The following EEF1A2 variants were observed in gnomAD, a reference collection of about 807,000 sequenced individuals.
EEF1A2 encodes eukaryotic translation elongation factor 1 alpha 2, also known as elongation factor 1-alpha 2.
A neutral mutation model predicts 39.3 loss-of-function variants in EEF1A2; 5 were observed. That is an observed-to-expected ratio of 0.13 (90% confidence interval 0.07 to 0.27). The LOEUF is 0.27. Ranked by LOEUF, EEF1A2 falls within the 10% of genes least tolerant of loss-of-function variation. The pLI is 1.00. For missense variants in EEF1A2, 218 were observed against 681.4 expected (o/e 0.32, Z 7.57); for synonymous variants, 287 against 293.7 (o/e 0.98, Z 0.23).
chr20:63,489,731 C>T (rs1236526319), intron 6 of EEF1A2, among the ~76,000 whole-genome samples: 1 of 151,986 alleles, frequency 6.6e-6, no homozygotes, highest in Non-Finnish European at 1.5e-5. Flanking sequence ...TGCAGTGAGC[C>T]GAGATCGCAC....
chr20:63,496,072 C>T (rs962625018), intron 2 of EEF1A2, 37 bp from the exon 3 acceptor site: 14 of 1,607,644 alleles, frequency 8.7e-6, no homozygotes, highest in African/African-American at 6.7e-5. Context: ...GGGCGGGACC[C>T]GGGACCCAGG....
At chr20:63,495,366 T>TCTG (rs2082412113) in intron 3 of EEF1A2, among the ~76,000 whole-genome samples, 1 of 152,262 alleles carries the variant, frequency 6.6e-6, no homozygotes, top group African/African-American at 2.4e-5. Context: ...ACTCAGCCTA[T>TCTG]CTGCTCCTGT....
Position 63,497,871 on chromosome 20 carries a change from G to A in EEF1A2, c.-71-37C>T. 6.9e-7 allele frequency: 1 copy of A among 1,441,274 alleles called. No homozygotes were observed. The highest frequency in any genetic ancestry group is 9.4e-7 in the Non-Finnish European group (1 of 1,065,188). The allele number at this position is 1,441,274 out of a possible 1,614,324, so 89.3% of individuals were successfully genotyped here. On this transcript the variant is annotated intron_variant, in intron 1 of 7. Coordinates refer to ENST00000217182, the MANE Select transcript of EEF1A2 (RefSeq NM_001958.5). This position sits in a 1 kb window ranked among gnomAD's most constrained non-coding sequence, Gnocchi z 7.3. ...GTGGTGGTGGGGAGACCGGTGATGG[G>A]GAGCCCCAGGGGGAGACACCAGCAG...
Position 63,497,456 on chromosome 20 carries a change from C to T in EEF1A2, c.144+164G>A. 2.6e-6 allele frequency: 3 copies of T among 1,141,766 alleles called. No individual in the cohort carries two copies. Among genetic ancestry groups the T allele is most frequent in the East Asian group, 2.6e-5 (1 of 38,276 alleles). 70.7% of individuals were successfully genotyped at this position (1,141,766 alleles called of 1,614,324 possible). A position where few individuals can be genotyped will look rare whatever the true frequency, so the allele number is the denominator to read the frequency against. Reference sequence around the variant, plus strand: ...GCTCCCCCTAAGAGAGAGGCTGCCCCACCAGACCCTCTGAGGCCTGAGTGC... The same window carrying T: ...GCTCCCCCTAAGAGAGAGGCTGCCCTACCAGACCCTCTGAGGCCTGAGTGC... On this transcript the variant is annotated intron_variant, in intron 2 of 7. Coordinates refer to ENST00000217182, the MANE Select transcript of EEF1A2 (RefSeq NM_001958.5). The surrounding 1 kb of genome is among the most constrained non-coding windows in gnomAD (Gnocchi z 7.3).
Position 63,497,818 on chromosome 20 carries a change from G to C in EEF1A2, c.-55C>G. 2 of 1,583,248 alleles carry C rather than the reference G, an allele frequency of 1.3e-6. No individual in the cohort carries two copies. Among genetic ancestry groups the C allele is most frequent in the East Asian group, 2.2e-5 (1 of 44,500 alleles). On this transcript the variant is annotated 5_prime_UTR_variant, in exon 2 of 8. Transcript: ENST00000217182. The surrounding 1 kb of genome is among the most constrained non-coding windows in gnomAD (Gnocchi z 7.3). ...CCCGGGGTGCTCTGGCTCAGGGCGA[G>C]GGGGGCTGCAGTGATTCTGTGGGGC...
chr20:63,492,804 C>T (rs1371624586), intron 5 of EEF1A2, among the ~76,000 whole-genome samples: 16 of 16,376 alleles, frequency 9.8e-4, no homozygotes, highest in African/African-American at 3.8e-3. Context: ...AGGGATGGTT[C>T]GATAGAGAGA....
intron 7 of EEF1A2, 69 bp downstream of exon 7, chr20:63,488,849 A>T: frequency 6.5e-7 from 1 of 1,531,424 alleles, no homozygotes; most frequent in Non-Finnish European, 8.9e-7. Context: ...CCATCCCCGC[A>T]GTCCTCTGCC....
Position 63,497,765 on chromosome 20 carries a change from T to C in EEF1A2, c.-2A>G. ...GATGTGGGTCTTCTCCTTGCCCATT[T>C]TGCTGGGAGTGTGAGGGGCTGGCGG... On this transcript the variant is annotated 5_prime_UTR_variant, in exon 2 of 8. Transcript: ENST00000217182. The surrounding 1 kb of genome is among the most constrained non-coding windows in gnomAD (Gnocchi z 7.3). The C allele has an allele frequency of 6.2e-7, 1 of 1,611,558 alleles. No homozygotes were observed. The highest frequency in any genetic ancestry group is 2.2e-5 in the East Asian group (1 of 44,834).
chr20:63,497,547 A>G lies in EEF1A2; in HGVS notation c.144+73T>C. ...GAGCCCCATGCCCTGGGGCTGGGAG[A>G]TGCCAAGCCTGGCCACCACGGGAGT... On this transcript the variant is annotated intron_variant, in intron 2 of 7. Transcript: ENST00000217182. This position sits in a 1 kb window ranked among gnomAD's most constrained non-coding sequence, Gnocchi z 7.3. 1 of 1,551,700 alleles carries G rather than the reference A, an allele frequency of 6.4e-7. No homozygotes were observed. Among genetic ancestry groups the G allele is most frequent in the South Asian group, 1.2e-5 (1 of 80,758 alleles).
intron 5 of EEF1A2, among the ~76,000 whole-genome samples, chr20:63,491,628 G>A (rs1488494361): frequency 6.6e-6 from 1 of 152,202 alleles, no homozygotes; most frequent in Non-Finnish European, 1.5e-5. Context: ...TGGGATGGAT[G>A]GATGGATGGA....
intron 5 of EEF1A2, among the ~76,000 whole-genome samples, chr20:63,492,392 A>AGATGGATGGATG (rs1198441019): frequency 8.0e-6 from 1 of 125,380 alleles, no homozygotes; most frequent in African/African-American, 3.3e-5. Context: ...ATGGGTGGGT[A>AGATGGATGGATG]GATGGATGGA....
At chr20:63,493,526 C>A (rs2082401662) in intron 4 of EEF1A2, among the ~76,000 whole-genome samples, 2 of 152,166 alleles carry the variant, frequency 1.3e-5, no homozygotes, top group African/African-American at 4.8e-5. Context: ...CCCTTCCCAG[C>A]CCAGGCTGCT....
At position 63,497,965 on chromosome 20, in the gene EEF1A2, G is replaced by A; in HGVS notation, c.-71-131C>T. 1.5e-6 allele frequency: 1 copy of A among 669,298 alleles called. No individual in the cohort carries two copies. The highest frequency in any genetic ancestry group is 2.4e-6 in the Non-Finnish European group (1 of 424,002). 41.5% of individuals were successfully genotyped at this position (669,298 alleles called of 1,614,324 possible). A position where few individuals can be genotyped will look rare whatever the true frequency, so the allele number is the denominator to read the frequency against. ...CCAAGCCCCCATGTTTGGTGGGGAG[G>A]GAAGGGCCCCCACCCACAGCTGGGC... On this transcript the variant is annotated intron_variant, in intron 1 of 7. Transcript: ENST00000217182. The surrounding 1 kb of genome is among the most constrained non-coding windows in gnomAD (Gnocchi z 7.3).
chr20:63,494,850 G>A lies in EEF1A2; in HGVS notation c.576C>T (p.Pro192=). The part of the protein sequence containing the change: ...GYNPATVPFV[P]ISGWHGDNML... ...TGTTGTCACCGTGCCAGCCGGAGATGGGCACAAAGGGCACGGTGGCCGGGT... is the reference window on the plus strand; with the variant it reads ...TGTTGTCACCGTGCCAGCCGGAGATAGGCACAAAGGGCACGGTGGCCGGGT... The change falls in exon 4 of 8, where the codon CCC becomes CCT. Residue 192 remains proline, a synonymous_variant. Transcript: ENST00000217182. 1 of 1,612,486 alleles carries A rather than the reference G, an allele frequency of 6.2e-7. No individual in the cohort carries two copies. Among genetic ancestry groups the A allele is most frequent in the Non-Finnish European group, 8.5e-7 (1 of 1,179,808 alleles).
At chr20:63,494,760 G>A (rs774577156) in intron 4 of EEF1A2, 45 bp downstream of exon 4, 1 of 1,577,020 alleles carries the variant, frequency 6.3e-7, no homozygotes, top group Non-Finnish European at 8.6e-7. Flanking sequence ...GGGCCAGGGG[G>A]TCCAGCCAGC....
intron 5 of EEF1A2, among the ~76,000 whole-genome samples, chr20:63,491,175 C>G (rs2082376982): frequency 6.6e-6 from 1 of 152,148 alleles, no homozygotes; most frequent in African/African-American, 2.4e-5. Flanking sequence ...CTGCCTGGGG[C>G]CTGGTGGCCC....
chr20:63,491,779 TGGATGGATGGATGAGG>T, intron 5 of EEF1A2, among the ~76,000 whole-genome samples: 1 of 146,650 alleles, frequency 6.8e-6, no homozygotes, highest in East Asian at 2.1e-4. Context: ...GATGGATGGA[TGGATGGATGGATGAGG>T]AGGTAGATGA....
In EEF1A2 at chr20:63,495,076, G is replaced by A. The variant is rs866429985; in HGVS notation, c.350C>T (p.Ala117Val). The A allele has an allele frequency of 1.9e-6, 3 of 1,611,320 alleles. No homozygotes were observed. The highest frequency in any genetic ancestry group is 8.5e-7 in the Non-Finnish European group (1 of 1,179,824). ...CGCCTCGAACTCGCCCACGCCCGCC[G>A]CCACGATCAGCACTGCGCAGTCCGC... ...SQADCAVLIV[A>V]AGVGEFEAGI... is the part of the protein sequence containing the mutation. Residue 117 changes from alanine to valine, a missense_variant, in exon 4 of 8, where the codon GCG becomes GTG. Physicochemically the swap from Ala to Val is moderately conservative, Grantham distance 64. Around this residue, in one of 4 missense-constraint regions of EEF1A2, gnomAD observed 79 missense variants for 172.3 expected, o/e 0.46. Transcript: ENST00000217182.
chr20:63,491,058 C>T (rs1475725244), intron 5 of EEF1A2, among the ~76,000 whole-genome samples: 1 of 152,220 alleles, frequency 6.6e-6, no homozygotes, highest in Non-Finnish European at 1.5e-5. Context: ...AACCTGGGGT[C>T]CCATCCTTGC....
Sources: allele counts gnomAD v4.1 joint callset (sites outside exome capture counted in the v4.1 genomes callset), GRCh38; gene constraint gnomAD v4.1.1; regional missense constraint gnomAD v4.1.1; non-coding constraint Gnocchi (gnomAD v3.1); transcripts MANE v1.5; gene names NCBI Gene and HGNC (gene_info 2026-07-23, HGNC 2026-07-21).